Variants in DDX1 observed in about 807,000 individuals in gnomAD.
DDX1 encodes the protein DEAD-box helicase 1.
In DDX1, 28 loss-of-function variants were observed where a neutral mutation model predicts 108.7. The observed-to-expected ratio is 0.26, with a 90% confidence interval of 0.19 to 0.35. The LOEUF (loss-of-function observed/expected upper bound fraction) is 0.35, where lower values mean the gene tolerates loss of function less well. Among genes scored for constraint, DDX1 ranks in the 10% least tolerant of loss-of-function variants. The probability of loss-of-function intolerance (pLI) is 1.00; values close to 1 mark genes in which losing one functional copy is unlikely to be tolerated. For missense variants in DDX1, 710 were observed against 884.5 expected (o/e 0.80, Z 2.50); for synonymous variants, 295 against 288.9 (o/e 1.02, Z -0.21).
In DDX1 at chr2:15,629,636, G is replaced by A. The variant is rs748713059; in HGVS notation, c.1910G>A (p.Gly637Glu). The change falls in exon 24 of 26, where the codon GGG (glycine) becomes GAG (glutamate). Residue 637 changes from glycine (G) to glutamate (E), a missense_variant. Gly to Glu is a moderately conservative substitution (Grantham distance 98). Coordinates refer to ENST00000233084, the MANE Select transcript of DDX1 (RefSeq NM_004939.3). ...WYHVCSSRGK[G>E]CYNTRLKEDG... ...CATGTATGTAGCAGCCGTGGAAAAG[G>A]GTGTTATAACACAAGACTCAAGGAA... The A allele has an allele frequency of 1.3e-6, 2 of 1,590,072 alleles. No individual in the cohort carries two copies. Among genetic ancestry groups the A allele is most frequent in the South Asian group, 1.2e-5 (1 of 85,252 alleles).
chr2:15,599,522 A>G, intron 5 of DDX1, 147 bp from the exon 6 acceptor site: 3 of 464,002 alleles, frequency 6.5e-6, no homozygotes, highest in Non-Finnish European at 7.8e-6. Flanking sequence ...CACGTTGGCC[A>G]GGCTGGTCTT....
chr2:15,614,600 G>A (rs941319668), intron 14 of DDX1, among the ~76,000 whole-genome samples: 4 of 152,146 alleles, frequency 2.6e-5, no homozygotes, highest in East Asian at 1.9e-4. Flanking sequence ...CTGTAGGAGC[G>A]GGTTAGTTAT....
At chr2:15,622,092 A>G (rs764840899) in intron 18 of DDX1, among the ~76,000 whole-genome samples, 7 of 152,202 alleles carry the variant, frequency 4.6e-5, no homozygotes, top group Non-Finnish European at 8.8e-5. Context: ...AAGAAAGAAA[A>G]CTTTCTTTAG....
intron 17 of DDX1, 57 bp downstream of exon 17, chr2:15,620,453 C>A: frequency 7.4e-7 from 1 of 1,354,536 alleles, no homozygotes; most frequent in South Asian, 1.4e-5. Context: ...TAAACTAGGT[C>A]AGCCTTGGGC....
chr2:15,602,463 A>ATTTTTTTT, intron 6 of DDX1, 85 bp from the exon 7 acceptor site: 1 of 910,208 alleles, frequency 1.1e-6, no homozygotes, highest in South Asian at 1.4e-5. Context: ...AGACTGAATG[A>ATTTTTTTT]TTTTTTTTGG....
At chr2:15,606,754 G>C (rs1366906097) in intron 12 of DDX1, among the ~76,000 whole-genome samples, 2 of 152,150 alleles carry the variant, frequency 1.3e-5, no homozygotes, top group East Asian at 3.9e-4. Flanking sequence ...TTCATAACTT[G>C]TTTGTCACAA....
rs899769676 is a variant in DDX1, at chr2:15,628,369, T to C, written c.1687-76T>C. On this transcript the variant is annotated intron_variant, in intron 20 of 25. Transcript: ENST00000233084. ...TTGAGTTTTTAGAGGTCTCATTTAG[T>C]GGAAGGATAGCATTTGTTTTTATTG... 4.5e-5 allele frequency: 50 copies of C among 1,115,418 alleles called. No individual in the cohort carries two copies. The African/African-American group carries it at 7.3e-4, about 16-fold the overall frequency. The allele number at this position is 1,115,418 out of a possible 1,614,324, so 69.1% of individuals were successfully genotyped here.
intron 13 of DDX1, among the ~76,000 whole-genome samples, chr2:15,609,183 A>G (rs534472230): frequency 1.6e-4 from 25 of 152,250 alleles, no homozygotes; most frequent in Non-Finnish European, 2.4e-4. Flanking sequence ...ATTTGGGAAG[A>G]ATGTAAAATG....
chr2:15,605,964 C>T lies in DDX1; in HGVS notation c.640C>T (p.Leu214=). The change falls in exon 11 of 26, where the codon CTG becomes TTG. Residue 214 remains leucine, a synonymous_variant. Coordinates refer to ENST00000233084, the MANE Select transcript of DDX1 (RefSeq NM_004939.3). ...KFSKNGKDLG[L]AFEIPPHMKN... The stretch of plus-strand genomic sequence containing the variant: ...TGTTTTTTAAGGAAAAGATCTTGGT[C>T]TGGCATTTGAAATACCACCACATAT... The T allele has an allele frequency of 6.4e-7, 1 of 1,573,170 alleles. No individual in the cohort carries two copies. The highest frequency in any genetic ancestry group is 8.6e-7 in the Non-Finnish European group (1 of 1,164,312).
chr2:15,612,354 A>G (rs970206213), intron 13 of DDX1, among the ~76,000 whole-genome samples: 1 of 148,976 alleles, frequency 6.7e-6, no homozygotes, highest in Non-Finnish European at 1.5e-5. Context: ...GGCGCCCCCC[A>G]CATCTCAGAC....
intron 23 of DDX1, 142 bp downstream of exon 23, chr2:15,628,981 C>A: frequency 2.7e-6 from 2 of 746,672 alleles, no homozygotes; most frequent in Non-Finnish European, 4.4e-6. Flanking sequence ...CATCTTTTTT[C>A]CTATATTCAT....
At chr2:15,621,776 C>T (rs973749102) in intron 18 of DDX1, among the ~76,000 whole-genome samples, 1 of 151,964 alleles carries the variant, frequency 6.6e-6, no homozygotes, top group African/African-American at 2.4e-5. Context: ...CCTCAGCCTC[C>T]CGGGTAGCTG....
chr2:15,624,407 GC>G (rs1277528940), intron 19 of DDX1, among the ~76,000 whole-genome samples: 4 of 152,180 alleles, frequency 2.6e-5, no homozygotes, highest in African/African-American at 7.2e-5. Context: ...ATGAAGAACT[GC>G]CTGAGGCTGG....
intron 13 of DDX1, among the ~76,000 whole-genome samples, chr2:15,611,091 C>T (rs915490818): frequency 6.0e-5 from 9 of 149,410 alleles, no homozygotes; most frequent in South Asian, 2.2e-4. Context: ...TGACTCTTAA[C>T]GAGCATGCTG....
At chr2:15,618,576 G>A (rs1021756529) in intron 16 of DDX1, among the ~76,000 whole-genome samples, 1 of 152,248 alleles carries the variant, frequency 6.6e-6, no homozygotes, top group African/African-American at 2.4e-5. Flanking sequence ...GTAGCTCCAG[G>A]CACTGGCATG....
intron 1 of DDX1, among the ~76,000 whole-genome samples, chr2:15,592,483 A>G (rs1388734095): frequency 3.3e-5 from 5 of 152,224 alleles, no homozygotes; most frequent in African/African-American, 9.6e-5. Flanking sequence ...AAACGTTGTT[A>G]TATCAACATT....
chr2:15,620,336 T>C lies in DDX1; in HGVS notation c.1335T>C (p.Val445=). 6.2e-7 allele frequency: 1 copy of C among 1,614,030 alleles called. No individual in the cohort carries two copies. The highest frequency in any genetic ancestry group is 1.3e-5 in the African/African-American group (1 of 75,034). Residue 445 remains valine, a synonymous_variant, in exon 17 of 26, where the codon GTT becomes GTC. Transcript: ENST00000233084. ...TTCCAGATACTGTACACCATGTTGT[T>C]GTCCCAGTAAATCCCAAAACTGACA... ...DSVPDTVHHV[V]VPVNPKTDRL...
intron 8 of DDX1, among the ~76,000 whole-genome samples, chr2:15,603,588 T>C (rs1208050227): frequency 2.0e-5 from 3 of 152,202 alleles, no homozygotes; most frequent in Non-Finnish European, 4.4e-5. Context: ...CTGAATTTCT[T>C]AGTGGACAAA....
At position 15,591,925 on chromosome 2, in the gene DDX1, G is replaced by C. The variant is rs764429298; in HGVS notation, c.-9G>C. ...GCGAGCAGGCGAAGCCGCGGAGGAC[G>C]GGGTGAAGATGGCGGCCTTCTCCGG... On this transcript the variant is annotated 5_prime_UTR_variant, in exon 1 of 26. Transcript: ENST00000233084. 4.1e-6 allele frequency: 6 copies of C among 1,451,552 alleles called. No homozygotes were observed. Among genetic ancestry groups the C allele is most frequent in the South Asian group, 1.4e-5 (1 of 71,084 alleles). 89.9% of individuals were successfully genotyped at this position (1,451,552 alleles called of 1,614,324 possible).
Sources: gnomAD v4.1 joint callset for allele counts (sites outside exome capture counted in the v4.1 genomes callset) on GRCh38, gnomAD v4.1.1 for gene constraint, MANE v1.5 for transcripts, NCBI Gene and HGNC (gene_info 2026-07-23, HGNC 2026-07-21) for gene names.